The following CNTN4 variants were observed in gnomAD, a reference collection of about 807,000 sequenced individuals.
CNTN4 encodes the protein contactin-4.
CNTN4 carries 77 observed loss-of-function variants against 122.5 expected under a neutral mutation model. The observed-to-expected ratio is 0.63, with a 90% confidence interval of 0.52 to 0.76. CNTN4 has a LOEUF of 0.76. Among genes scored for constraint, CNTN4 ranks in the 30% least tolerant of loss-of-function variants. The pLI is 0.00. For synonymous variants in CNTN4, 512 were observed against 447.0 expected, an observed-to-expected ratio of 1.15 and a Z score of -1.83; for missense variants, 1,256 against 1,259.1, an observed-to-expected ratio of 1.00 and a Z score of 0.04.
chr3:2,485,436 G>C (rs1336323489), intron 3 of CNTN4, among the ~76,000 whole-genome samples: 2 of 152,130 alleles, frequency 1.3e-5, no homozygotes, highest in African/African-American at 4.8e-5. Flanking sequence ...AATACACCAA[G>C]CAGCACTCTG....
chr3:2,822,900 A>G (rs2092907629), intron 7 of CNTN4, among the ~76,000 whole-genome samples: 1 of 152,220 alleles, frequency 6.6e-6, no homozygotes, highest in African/African-American at 2.4e-5. Flanking sequence ...CAAGGAAATA[A>G]ATATTCTTAT....
intron 4 of CNTN4, among the ~76,000 whole-genome samples, chr3:2,673,333 A>G (rs1201005451): frequency 1.3e-5 from 2 of 152,134 alleles, no homozygotes; most frequent in African/African-American, 4.8e-5. Context: ...TCCTGGCCCA[A>G]CTAGATCGCT....
At chr3:2,136,245 G>A (rs529130658) in intron 2 of CNTN4, among the ~76,000 whole-genome samples, 1 of 152,196 alleles carries the variant, frequency 6.6e-6, no homozygotes, top group Admixed American at 6.6e-5. Flanking sequence ...AGAGTTGAGA[G>A]ACCTTATATC....
intron 4 of CNTN4, among the ~76,000 whole-genome samples, chr3:2,624,767 G>T (rs1372891011): frequency 2.0e-5 from 3 of 151,554 alleles, no homozygotes; most frequent in Non-Finnish European, 2.9e-5. Flanking sequence ...CAATAGCTGG[G>T]ACTATAGGCG....
At position 2,381,296 on chromosome 3, in the gene CNTN4, G is replaced by A. The variant is rs528307268; in HGVS notation, c.-89+42063G>A. On this transcript the variant is annotated intron_variant, in intron 3 of 24. Transcript: ENST00000418658. ...GCTGGGATTACAGGCGTGAGCCACT[G>A]CGCCTGGCCTTGTTTTGTTTTTTCT... Among the ~76,000 whole-genome samples, 54 of 152,202 alleles carry A rather than the reference G, an allele frequency of 3.5e-4. No homozygotes were observed. In the South Asian group the frequency reaches 8.3e-3, roughly 23 times the overall value.
rs1699442174 is a variant in CNTN4, at chr3:3,034,628, C to T, written c.1784-4C>T. ...CCAATTCTGGGGGTCTTGCTCTTTC[C>T]CAGGTCCTCCAGGTCCCCCAGAGGC... is the stretch of plus-strand genomic sequence containing the variant. On this transcript the variant is annotated splice_region_variant and splice_polypyrimidine_tract_variant and intron_variant, in intron 16 of 24. Coordinates refer to ENST00000418658, the MANE Select transcript of CNTN4 (RefSeq NM_175607.3). 6.2e-7 allele frequency: 1 copy of T among 1,613,898 alleles called. No individual in the cohort carries two copies. Among genetic ancestry groups the T allele is most frequent in the Non-Finnish European group, 8.5e-7 (1 of 1,179,942 alleles).
At chr3:2,248,372 C>A (rs1316559757) in intron 2 of CNTN4, among the ~76,000 whole-genome samples, 1 of 151,920 alleles carries the variant, frequency 6.6e-6, no homozygotes, top group Middle Eastern at 3.2e-3. Flanking sequence ...TGAAGACTTA[C>A]TCTTAGGTGT....
At chr3:2,491,576 A>G (rs2076318442) in intron 3 of CNTN4, among the ~76,000 whole-genome samples, 1 of 152,220 alleles carries the variant, frequency 6.6e-6, no homozygotes, top group Admixed American at 6.5e-5. Flanking sequence ...TAAAAGAGAT[A>G]TTACTGTGAA....
intron 2 of CNTN4, chr3:2,110,565 T>A (rs1357098292): frequency 2.0e-5 from 3 of 152,234 alleles, no homozygotes; most frequent in Non-Finnish European, 4.4e-5. Context: ...CCTTTCAGAT[T>A]GTCATATTAT....
intron 10 of CNTN4, 93 bp from the exon 11 acceptor site, chr3:2,900,592 A>T: frequency 1.5e-6 from 2 of 1,375,352 alleles, no homozygotes; most frequent in Admixed American, 1.7e-5. Flanking sequence ...GAATTTTATT[A>T]TAAGTGTACT....
At chr3:2,124,938 C>T (rs2034045422) in intron 2 of CNTN4, among the ~76,000 whole-genome samples, 1 of 152,062 alleles carries the variant, frequency 6.6e-6, no homozygotes, top group Non-Finnish European at 1.5e-5. Flanking sequence ...TTCTTCCTGC[C>T]CCCGCTCCAT....
chr3:2,470,364 C>T (rs761216852), intron 3 of CNTN4, among the ~76,000 whole-genome samples: 10 of 152,224 alleles, frequency 6.6e-5, no homozygotes, highest in Middle Eastern at 3.4e-3. Flanking sequence ...TGTGAGCCAC[C>T]GCGCCTGGCC....
chr3:2,533,197 A>C (rs1233193215), intron 3 of CNTN4, among the ~76,000 whole-genome samples: 1 of 149,190 alleles, frequency 6.7e-6, no homozygotes, highest in African/African-American at 2.5e-5. Context: ...GGTTTGTTTC[A>C]TATGTATACA....
chr3:2,258,747 C>G (rs1213974189), intron 2 of CNTN4, among the ~76,000 whole-genome samples: 5 of 152,052 alleles, frequency 3.3e-5, no homozygotes, highest in Non-Finnish European at 1.5e-5. Context: ...GAACTGGCAT[C>G]TCATGTCTTA....
intron 2 of CNTN4, among the ~76,000 whole-genome samples, chr3:2,152,633 T>C (rs956464033): frequency 2.0e-5 from 3 of 151,788 alleles, no homozygotes; most frequent in Non-Finnish European, 4.4e-5. Flanking sequence ...AATAGAAGAT[T>C]GAGATGGGAA....
At chr3:2,179,502 A>G (rs2036913052) in intron 2 of CNTN4, among the ~76,000 whole-genome samples, 1 of 152,014 alleles carries the variant, frequency 6.6e-6, no homozygotes, top group African/African-American at 2.4e-5. Flanking sequence ...TAGCTATAAC[A>G]AAAAATATTA....
chr3:3,017,159 C>T (rs1425747132), intron 14 of CNTN4, among the ~76,000 whole-genome samples: 2 of 152,198 alleles, frequency 1.3e-5, no homozygotes, highest in African/African-American at 2.4e-5. Context: ...ATTGGTTCCT[C>T]TTCCCTTCTT....
intron 3 of CNTN4, among the ~76,000 whole-genome samples, chr3:2,555,285 A>G (rs975749992): frequency 2.0e-5 from 3 of 152,182 alleles, no homozygotes; most frequent in Admixed American, 2.0e-4. Context: ...CTTAGGTTCT[A>G]ACACATTAGC....
chr3:2,473,241 A>AC (rs72154676), intron 3 of CNTN4, among the ~76,000 whole-genome samples: 6,033 of 103,368 alleles, frequency 0.058, 385 homozygotes, highest in Admixed American at 0.24. Flanking sequence ...CAAAAAAAAA[A>AC]AAAAAAAAAA....
Sources: allele counts gnomAD v4.1 joint callset (sites outside exome capture counted in the v4.1 genomes callset), GRCh38; gene constraint gnomAD v4.1.1; transcripts MANE v1.5; gene names NCBI Gene and HGNC (gene_info 2026-07-23, HGNC 2026-07-21).